SLC9A9: variants seen among roughly 807,000 people sequenced by gnomAD.
The protein encoded by SLC9A9 is solute carrier family 9 member A9, also known as sodium/hydrogen exchanger 9.
A neutral mutation model predicts 77.8 loss-of-function variants in SLC9A9; 62 were observed. The observed-to-expected ratio is 0.80, with a 90% CI of 0.65 to 0.98. The LOEUF is 0.98. Among genes scored for constraint, SLC9A9 ranks in the 50% least tolerant of loss-of-function variants. The pLI is 0.00. For missense variants in SLC9A9, 775 were observed against 774.9 expected, an observed-to-expected ratio of 1.00 and a Z score of 0.00; for synonymous variants, 320 against 283.5, an observed-to-expected ratio of 1.13 and a Z score of -1.29.
At chr3:143,414,793 G>A (rs1234293809) in intron 12 of SLC9A9, among the ~76,000 whole-genome samples, 1 of 152,194 alleles carries the variant, frequency 6.6e-6, no homozygotes, top group African/African-American at 2.4e-5. Context: ...GTGAAAGGAA[G>A]AGTCACATGT....
At chr3:143,305,827 C>T (rs746570229) in intron 14 of SLC9A9, among the ~76,000 whole-genome samples, 1 of 152,206 alleles carries the variant, frequency 6.6e-6, no homozygotes, top group South Asian at 2.1e-4. Context: ...GGAAACACGG[C>T]TTGAGTTACA....
intron 2 of SLC9A9, among the ~76,000 whole-genome samples, chr3:143,815,392 G>A (rs1178961683): frequency 6.6e-6 from 1 of 152,172 alleles, no homozygotes; most frequent in Non-Finnish European, 1.5e-5. Context: ...AGCTGCCTTA[G>A]AGGCCACTAG....
intron 12 of SLC9A9, among the ~76,000 whole-genome samples, chr3:143,463,342 T>C (rs545099254): frequency 1.8e-4 from 28 of 152,354 alleles, no homozygotes; most frequent in Non-Finnish European, 2.9e-4. Flanking sequence ...TGCGGTGCTC[T>C]ACCCTAAGCC....
At chr3:143,654,084 T>C (rs1263026088) in intron 5 of SLC9A9, among the ~76,000 whole-genome samples, 1 of 152,186 alleles carries the variant, frequency 6.6e-6, no homozygotes, top group Non-Finnish European at 1.5e-5. Flanking sequence ...TGTGACTATA[T>C]TTAGTAGCAA....
At chr3:143,774,809 C>T (rs896561378) in intron 4 of SLC9A9, among the ~76,000 whole-genome samples, 1 of 152,162 alleles carries the variant, frequency 6.6e-6, no homozygotes, top group African/African-American at 2.4e-5. Flanking sequence ...CAAGCCCACA[C>T]CACAGCTGGG....
chr3:143,474,335 A>G (rs2035430091), intron 11 of SLC9A9, among the ~76,000 whole-genome samples: 1 of 152,158 alleles, frequency 6.6e-6, no homozygotes, highest in Admixed American at 6.5e-5. Flanking sequence ...AGTAAACTTT[A>G]GGAAGGTTTT....
chr3:143,732,411 T>C (rs1476798892), intron 4 of SLC9A9, among the ~76,000 whole-genome samples: 1 of 152,216 alleles, frequency 6.6e-6, no homozygotes, highest in Non-Finnish European at 1.5e-5. Flanking sequence ...TTCATTACCC[T>C]TTCCTCACAT....
At chr3:143,532,644 C>T (rs1414261890) in intron 9 of SLC9A9, among the ~76,000 whole-genome samples, 4 of 152,170 alleles carry the variant, frequency 2.6e-5, no homozygotes, top group African/African-American at 9.7e-5. Context: ...TCAGAACTTG[C>T]TCAGAGACCT....
At chr3:143,803,161 G>A (rs11925546) in intron 2 of SLC9A9, among the ~76,000 whole-genome samples, 1,801 of 152,198 alleles carry the variant, frequency 0.012, 28 homozygotes, top group African/African-American at 0.041. Context: ...TGGGTTCACC[G>A]TTCCAGAGTA....
In SLC9A9 at chr3:143,303,624, ATAT is replaced by A. The variant is rs200150587; in HGVS notation, c.1605-34647_1605-34645del. Among the ~76,000 whole-genome samples, 602 of 152,292 alleles carry A rather than the reference ATAT, an allele frequency of 4.0e-3. 3 individuals are homozygous for A. Among genetic ancestry groups the A allele is most frequent in the African/African-American group, 0.014 (574 of 41,564 alleles). On this transcript the variant is annotated intron_variant, in intron 14 of 15. Coordinates refer to ENST00000316549, the MANE Select transcript of SLC9A9 (RefSeq NM_173653.4). ...ATTTGAGGATGATTACTTTGGAAAG[ATAT>A]TATTTGCTTTTTACATATGAGCATA...
chr3:143,752,684 T>G (rs73009489), intron 4 of SLC9A9, among the ~76,000 whole-genome samples: 1,887 of 152,158 alleles, frequency 0.012, 40 homozygotes, highest in African/African-American at 0.043. Flanking sequence ...AAAAGGTTTT[T>G]TTTTTTTTTT....
intron 12 of SLC9A9, among the ~76,000 whole-genome samples, chr3:143,400,056 C>G (rs1282278269): frequency 6.6e-6 from 1 of 152,090 alleles, no homozygotes; most frequent in Admixed American, 6.6e-5. Flanking sequence ...AAGAAAAACG[C>G]TGTTAATTAT....
chr3:143,345,637 G>A (rs1210823381), intron 14 of SLC9A9, among the ~76,000 whole-genome samples: 2 of 152,168 alleles, frequency 1.3e-5, no homozygotes, highest in Non-Finnish European at 2.9e-5. Context: ...TAGTTGGGTA[G>A]TATGGGTCTA....
chr3:143,325,276 A>G (rs2031554348), intron 14 of SLC9A9, among the ~76,000 whole-genome samples: 1 of 152,194 alleles, frequency 6.6e-6, no homozygotes. Flanking sequence ...AATGCATGTA[A>G]AACACCCAAC....
chr3:143,771,812 G>C (rs79454583), intron 4 of SLC9A9, among the ~76,000 whole-genome samples: 1,880 of 152,264 alleles, frequency 0.012, 37 homozygotes, highest in African/African-American at 0.043. Flanking sequence ...GCAGGAAGCA[G>C]AGGACTTCAC....
chr3:143,297,446 T>A (rs2030318427), intron 14 of SLC9A9, among the ~76,000 whole-genome samples: 1 of 152,226 alleles, frequency 6.6e-6, no homozygotes, highest in Non-Finnish European at 1.5e-5. Flanking sequence ...AGCTTTGTAG[T>A]ATAATTTGAA....
At chr3:143,725,345 A>C (rs1346442450) in intron 4 of SLC9A9, among the ~76,000 whole-genome samples, 19 of 150,374 alleles carry the variant, frequency 1.3e-4, no homozygotes, top group South Asian at 4.3e-4. Context: ...TCAGGGATCT[A>C]GAACTAGAAA....
chr3:143,812,303 GA>G (rs2008889710), intron 2 of SLC9A9, among the ~76,000 whole-genome samples: 1 of 152,200 alleles, frequency 6.6e-6, no homozygotes, highest in South Asian at 2.1e-4. Context: ...ATAATTACAA[GA>G]GTATTTATTG....
At chr3:143,644,936 A>G (rs1469380573) in intron 6 of SLC9A9, among the ~76,000 whole-genome samples, 1 of 152,164 alleles carries the variant, frequency 6.6e-6, no homozygotes, top group Non-Finnish European at 1.5e-5. Flanking sequence ...TGAGAAATAT[A>G]CCTCTGGTTG....
Sources: allele counts gnomAD v4.1 joint callset (sites outside exome capture counted in the v4.1 genomes callset), GRCh38; gene constraint gnomAD v4.1.1; transcripts MANE v1.5; gene names NCBI Gene and HGNC (gene_info 2026-07-23, HGNC 2026-07-21).